Variants in MSRA observed in about 807,000 individuals in gnomAD.
MSRA encodes the protein methionine sulfoxide reductase A, also known as mitochondrial peptide methionine sulfoxide reductase.
Under a neutral mutation model 31.3 loss-of-function variants are expected in MSRA, and 54 were observed. The observed-to-expected ratio is 1.73, with a 90% CI of 1.39 to 2.17. The LOEUF (loss-of-function observed/expected upper bound fraction) is 2.17, where lower values mean the gene tolerates loss of function less well. MSRA is among the 30% of genes most tolerant of loss of function. The probability of loss-of-function intolerance (pLI) is 0.00; values close to 1 mark genes in which losing one functional copy is unlikely to be tolerated. For synonymous variants in MSRA, 169 were observed against 116.5 expected (o/e 1.45, Z -2.90); for missense variants, 507 against 300.9 (o/e 1.69, Z -5.07).
At chr8:10,407,777 T>G (rs567552807) in intron 5 of MSRA, among the ~76,000 whole-genome samples, 23 of 152,276 alleles carry the variant, frequency 1.5e-4, no homozygotes, top group African/African-American at 5.3e-4. Flanking sequence ...CCCCAGCACC[T>G]GAAGTATAGG....
chr8:10,316,251 T>C (rs1213381615), intron 4 of MSRA, among the ~76,000 whole-genome samples: 1 of 151,878 alleles, frequency 6.6e-6, no homozygotes, highest in Admixed American at 6.6e-5. Context: ...ACTTAAATTA[T>C]ATATATTTAC....
rs1807182686 is a variant in MSRA at position 10,187,819 on chromosome 8, G to T, written c.143-20014G>T. ...TTCTGTCTTCAGAGGTAGTTCTATA[G>T]TAGTTCTGTTGTATAACAGAAAGAA... On this transcript the variant is annotated intron_variant, in intron 1 of 5. Coordinates refer to ENST00000317173, the MANE Select transcript of MSRA (RefSeq NM_012331.5). 2.0e-5 allele frequency among the ~76,000 whole-genome samples: 3 copies of T among 152,150 alleles called. No homozygotes were observed. The South Asian group carries it at 6.2e-4, about 31-fold the overall frequency.
At chr8:10,060,972 G>GT (rs1173406224) in intron 1 of MSRA, among the ~76,000 whole-genome samples, 1 of 152,170 alleles carries the variant, frequency 6.6e-6, no homozygotes, top group Non-Finnish European at 1.5e-5. Context: ...TTTTAGAAAA[G>GT]TTTTCCCCAA....
chr8:10,410,195 A>C (rs1387005297), intron 5 of MSRA, among the ~76,000 whole-genome samples: 1 of 152,196 alleles, frequency 6.6e-6, no homozygotes, highest in Non-Finnish European at 1.5e-5. Flanking sequence ...TGTGACATGG[A>C]GTATGCATGT....
chr8:10,428,379 G>A lies in MSRA; in HGVS notation c.*67G>A. On this transcript the variant is annotated 3_prime_UTR_variant, in exon 6 of 6. Coordinates refer to ENST00000317173, the MANE Select transcript of MSRA (RefSeq NM_012331.5). ...GCTTTCAACAAATTGGGCAATGCTTGTGTGATTCACAATCGTGGCATTTAA... is the reference window on the plus strand; with the variant it reads ...GCTTTCAACAAATTGGGCAATGCTTATGTGATTCACAATCGTGGCATTTAA... 1 of 1,519,670 alleles carries A rather than the reference G, an allele frequency of 6.6e-7. No homozygotes were observed. The highest frequency in any genetic ancestry group is 9.0e-7 in the Non-Finnish European group (1 of 1,107,262). The allele number at this position is 1,519,670 out of a possible 1,614,324, so 94.1% of individuals were successfully genotyped here. A position where few individuals can be genotyped will look rare whatever the true frequency, so the allele number is the denominator to read the frequency against.
At chr8:10,086,234 G>A (rs1798552137) in intron 1 of MSRA, among the ~76,000 whole-genome samples, 1 of 152,186 alleles carries the variant, frequency 6.6e-6, no homozygotes, top group Non-Finnish European at 1.5e-5. Context: ...TTTCTAGTGG[G>A]TGATGAGGCA....
At chr8:10,416,157 G>A (rs940145460) in intron 5 of MSRA, among the ~76,000 whole-genome samples, 2 of 152,108 alleles carry the variant, frequency 1.3e-5, no homozygotes, top group South Asian at 4.1e-4. Context: ...GGAATTGCCC[G>A]TACACTCTTC....
At chr8:10,229,404 A>G (rs531838608) in intron 2 of MSRA, among the ~76,000 whole-genome samples, 1 of 152,218 alleles carries the variant, frequency 6.6e-6, no homozygotes, top group East Asian at 1.9e-4. Context: ...GGCAGCGTCC[A>G]GAGAGGCTGC....
Position 10,245,142 on chromosome 8 carries a change from G to C in MSRA, c.250G>C (p.Val84Leu), listed in dbSNP as rs1281523339. ...CTGGGGAGCTGAAAGGAAATTCTGG[G>C]TCTTGAAAGGAGTGTATTCAACTCA... ...CFWGAERKFW[V>L]LKGVYSTQVG... The change falls in exon 3 of 6, where the codon GTC becomes CTC. Residue 84 changes from valine to leucine, a missense_variant. Val to Leu is a conservative substitution (Grantham distance 32). Coordinates refer to ENST00000317173, the MANE Select transcript of MSRA (RefSeq NM_012331.5). The C allele has an allele frequency of 1.2e-6, 2 of 1,613,332 alleles. No individual in the cohort carries two copies. The highest frequency in any genetic ancestry group is 2.7e-5 in the African/African-American group (2 of 74,726).
At chr8:10,422,623 A>G (rs1808879433) in intron 5 of MSRA, among the ~76,000 whole-genome samples, 2 of 152,128 alleles carry the variant, frequency 1.3e-5, no homozygotes, top group Admixed American at 1.3e-4. Context: ...AAAAGTCAAG[A>G]TACTTGGAGT....
intron 3 of MSRA, among the ~76,000 whole-genome samples, chr8:10,284,857 C>G (rs1156638947): frequency 6.6e-6 from 1 of 152,112 alleles, no homozygotes; most frequent in Admixed American, 6.6e-5. Flanking sequence ...ATGTAAACCA[C>G]TTATAGTTGT....
chr8:10,269,171 C>G (rs114671816), intron 3 of MSRA, among the ~76,000 whole-genome samples: 1,614 of 152,248 alleles, frequency 0.011, 18 homozygotes, highest in African/African-American at 0.027. Flanking sequence ...AGATAATGGG[C>G]AAGAGTAGAA....
intron 1 of MSRA, among the ~76,000 whole-genome samples, chr8:10,180,690 G>A (rs1010274071): frequency 6.6e-6 from 1 of 152,176 alleles, no homozygotes; most frequent in Non-Finnish European, 1.5e-5. Flanking sequence ...GAGGCAGAGA[G>A]CAAATACATA....
chr8:10,412,809 G>A lies in MSRA; in HGVS notation c.544-15339G>A, dbSNP rs560996905. ...GTTAGAATGAGCAAATCAAAGAATC[G>A]TGACAATACCAAGTCCTGGGAATGA... is the stretch of plus-strand genomic sequence containing the variant. On this transcript the variant is annotated intron_variant, in intron 5 of 5. Transcript: ENST00000317173. Among the ~76,000 whole-genome samples the A allele has an allele frequency of 1.3e-4, 20 of 152,314 alleles. No individual in the cohort carries two copies. The South Asian group carries it at 3.5e-3, about 27-fold the overall frequency.
At chr8:10,222,297 A>G (rs963510834) in intron 2 of MSRA, among the ~76,000 whole-genome samples, 1 of 152,202 alleles carries the variant, frequency 6.6e-6, no homozygotes, top group South Asian at 2.1e-4. Flanking sequence ...AAGGTTTTCT[A>G]TCCCTCTGTT....
intron 1 of MSRA, among the ~76,000 whole-genome samples, chr8:10,193,925 G>C (rs1807748089): frequency 6.6e-6 from 1 of 152,098 alleles, no homozygotes; most frequent in African/African-American, 2.4e-5. Flanking sequence ...GAGCTTCATA[G>C]TAAAAACTTG....
chr8:10,363,184 C>A (rs1045824679), intron 5 of MSRA, among the ~76,000 whole-genome samples: 1 of 152,204 alleles, frequency 6.6e-6, no homozygotes, highest in African/African-American at 2.4e-5. Context: ...TGAAGCCCTG[C>A]AGTTGCTAGT....
intron 2 of MSRA, among the ~76,000 whole-genome samples, chr8:10,213,658 G>C (rs562367290): frequency 1.3e-5 from 2 of 151,758 alleles, no homozygotes; most frequent in African/African-American, 4.8e-5. Flanking sequence ...GGATGGTCTC[G>C]ATCTCCTGAC....
chr8:10,240,824 C>T (rs1812346010), intron 2 of MSRA, among the ~76,000 whole-genome samples: 1 of 152,070 alleles, frequency 6.6e-6, no homozygotes, highest in African/African-American at 2.4e-5. Flanking sequence ...AACCATTCAA[C>T]ACCCCACCCC....
Sources: allele counts gnomAD v4.1 joint callset (sites outside exome capture counted in the v4.1 genomes callset), GRCh38; gene constraint gnomAD v4.1.1; transcripts MANE v1.5; gene names NCBI Gene and HGNC (gene_info 2026-07-23, HGNC 2026-07-21).